The following KIAA0825 variants were observed in gnomAD, a reference collection of about 807,000 sequenced individuals.
KIAA0825 encodes KIAA0825.
A neutral mutation model predicts 147.6 loss-of-function variants in KIAA0825; 119 were observed. The observed-to-expected ratio is 0.81, with a 90% CI of 0.69 to 0.94. The LOEUF (loss-of-function observed/expected upper bound fraction) is 0.94, where lower values mean the gene tolerates loss of function less well. KIAA0825 is among the 40% of genes least tolerant of loss of function. KIAA0825 has a pLI of 0.00. For missense variants in KIAA0825, 1,381 were observed against 1,472.7 expected (o/e 0.94, Z 1.02); for synonymous variants, 470 against 518.1 (o/e 0.91, Z 1.26).
At chr5:94,205,649 T>A (rs754502320) in intron 20 of KIAA0825, among the ~76,000 whole-genome samples, 2 of 152,168 alleles carry the variant, frequency 1.3e-5, no homozygotes, top group Admixed American at 6.5e-5. Context: ...TTGTAATAAT[T>A]ATCATGGATG....
intron 20 of KIAA0825, among the ~76,000 whole-genome samples, chr5:94,369,253 G>GATTCAAGA (rs1746316817): frequency 6.6e-6 from 1 of 152,124 alleles, no homozygotes; most frequent in South Asian, 2.1e-4. Flanking sequence ...TAGAGATACG[G>GATTCAAGA]ATTCAAGACT....
At chr5:94,587,086 A>T (rs1269634852) in intron 1 of KIAA0825, among the ~76,000 whole-genome samples, 1 of 152,220 alleles carries the variant, frequency 6.6e-6, no homozygotes, top group Admixed American at 6.5e-5. Flanking sequence ...AGCCAATATC[A>T]TACTGGATGG....
chr5:94,293,461 C>T (rs2150169910), intron 20 of KIAA0825, among the ~76,000 whole-genome samples: 1 of 152,284 alleles, frequency 6.6e-6, no homozygotes, highest in African/African-American at 2.4e-5. Context: ...TTTGATTGCA[C>T]TGTGGTCTGT....
chr5:94,190,235 A>C (rs1184098803), intron 20 of KIAA0825, among the ~76,000 whole-genome samples: 1 of 152,002 alleles, frequency 6.6e-6, no homozygotes, highest in Non-Finnish European at 1.5e-5. Context: ...GGACATCTTT[A>C]CTTCTCCCTT....
At chr5:94,425,363 A>G (rs1754724883) in intron 14 of KIAA0825, among the ~76,000 whole-genome samples, 1 of 152,254 alleles carries the variant, frequency 6.6e-6, no homozygotes, top group Non-Finnish European at 1.5e-5. Flanking sequence ...ACATCACATC[A>G]GCAGAATGAA....
chr5:94,207,395 C>CT (rs1772303241), intron 20 of KIAA0825, among the ~76,000 whole-genome samples: 1 of 152,156 alleles, frequency 6.6e-6, no homozygotes, highest in African/African-American at 2.4e-5. Flanking sequence ...CCCAGCAGCC[C>CT]TGTCCTGGTT....
At chr5:94,204,038 A>T (rs1474006305) in intron 20 of KIAA0825, among the ~76,000 whole-genome samples, 1 of 152,212 alleles carries the variant, frequency 6.6e-6, no homozygotes. Context: ...ATTTGGGTAG[A>T]TACATCTGTG....
chr5:94,392,805 C>T (rs1750077867), intron 17 of KIAA0825, among the ~76,000 whole-genome samples: 1 of 152,220 alleles, frequency 6.6e-6, no homozygotes, highest in Non-Finnish European at 1.5e-5. Flanking sequence ...ATCTTCAAAA[C>T]ATCCTTCTCA....
intron 20 of KIAA0825, among the ~76,000 whole-genome samples, chr5:94,384,154 A>C (rs902701647): frequency 3.9e-5 from 6 of 152,158 alleles, no homozygotes; most frequent in Non-Finnish European, 7.4e-5. Flanking sequence ...TACTATAGAG[A>C]ATGGTATTTA....
intron 20 of KIAA0825, among the ~76,000 whole-genome samples, chr5:94,166,264 A>G (rs1353777352): frequency 6.6e-6 from 1 of 152,262 alleles, no homozygotes. Flanking sequence ...GAGAGCGTTC[A>G]TTATATGGAC....
chr5:94,443,350 G>A lies in KIAA0825; in HGVS notation c.2358-3229C>T, dbSNP rs200620087. On this transcript the variant is annotated intron_variant, in intron 13 of 20. Transcript: ENST00000682413. ...AAAGGGAAATTTTATATATATATAT[G>A]TATATATATACACACACACACACAC... Among the ~76,000 whole-genome samples the A allele has an allele frequency of 8.0e-5, 10 of 125,428 alleles. No homozygotes were observed. The East Asian group carries it at 1.0e-3, about 13-fold the overall frequency. 82.3% of individuals were successfully genotyped at this position (125,428 alleles called of 152,430 possible).
chr5:94,227,098 G>A (rs1317170630), intron 20 of KIAA0825, among the ~76,000 whole-genome samples: 7 of 152,016 alleles, frequency 4.6e-5, no homozygotes, highest in East Asian at 3.9e-4. Context: ...ACATGCACAC[G>A]TATGTTTATT....
rs749266955 is a variant in KIAA0825 at position 94,386,245 on chromosome 5, C to T, written c.3616G>A (p.Val1206Ile). ...AAATTTACCATTTAATTTCCACATA[C>T]CTGATCTAGCATGTTTTCACTAAAC... ...KAFSENMLDQ[V>I]SITKWNWNWA... The change falls in exon 19 of 21, where the codon GTA (valine) becomes ATA (isoleucine). Residue 1206 changes from valine to isoleucine, a missense_variant. Val to Ile is a conservative substitution (Grantham distance 29). Coordinates refer to ENST00000682413, the MANE Select transcript of KIAA0825 (RefSeq NM_001145678.3). The T allele has an allele frequency of 1.9e-6, 3 of 1,541,940 alleles. No individual in the cohort carries two copies. The South Asian group carries it at 3.7e-5, about 19-fold the overall frequency.
chr5:94,369,351 T>C (rs1746333320), intron 20 of KIAA0825, among the ~76,000 whole-genome samples: 1 of 152,158 alleles, frequency 6.6e-6, no homozygotes, highest in South Asian at 2.1e-4. Flanking sequence ...GCATAGAATT[T>C]TTAAAAAATA....
At chr5:94,428,632 C>A (rs1273006569) in intron 14 of KIAA0825, among the ~76,000 whole-genome samples, 2 of 152,160 alleles carry the variant, frequency 1.3e-5, no homozygotes, top group Non-Finnish European at 2.9e-5. Context: ...GCCTGATGGG[C>A]TTCCCTTTGT....
intron 20 of KIAA0825, among the ~76,000 whole-genome samples, chr5:94,312,005 C>G (rs1380089827): frequency 6.6e-6 from 1 of 151,652 alleles, no homozygotes; most frequent in Non-Finnish European, 1.5e-5. Context: ...CAGTGTCACT[C>G]TCTCCATTAG....
At chr5:94,568,929 C>T (rs1779284208) in intron 2 of KIAA0825, 1 of 164,748 alleles carries the variant, frequency 6.1e-6, no homozygotes, top group African/African-American at 2.4e-5. Context: ...AACCCTCCTC[C>T]TAATCACATA....
intron 14 of KIAA0825, among the ~76,000 whole-genome samples, chr5:94,430,410 C>T (rs1000994424): frequency 1.3e-5 from 2 of 151,546 alleles, no homozygotes; most frequent in African/African-American, 2.4e-5. Flanking sequence ...AAAAAATCAT[C>T]CTCACAAAGT....
At chr5:94,263,002 A>G (rs1420146605) in intron 20 of KIAA0825, among the ~76,000 whole-genome samples, 1 of 152,144 alleles carries the variant, frequency 6.6e-6, no homozygotes, top group Non-Finnish European at 1.5e-5. Flanking sequence ...CCAGAAGCCA[A>G]ACTAGAAGAG....
Sources: gnomAD v4.1 joint callset for allele counts (sites outside exome capture counted in the v4.1 genomes callset) on GRCh38, gnomAD v4.1.1 for gene constraint, MANE v1.5 for transcripts, NCBI Gene and HGNC (gene_info 2026-07-23, HGNC 2026-07-21) for gene names.